NAALADL2: variants seen among roughly 807,000 people sequenced by gnomAD.
The protein encoded by NAALADL2 is inactive N-acetylated-alpha-linked acidic dipeptidase-like protein 2.
A neutral mutation model predicts 87.2 loss-of-function variants in NAALADL2; 76 were observed. That is an observed-to-expected ratio of 0.87 (90% CI 0.72 to 1.05). The LOEUF (loss-of-function observed/expected upper bound fraction) is 1.05, where lower values mean the gene tolerates loss of function less well. Among genes scored for constraint, NAALADL2 ranks in the 50% least tolerant of loss-of-function variants. The pLI is 0.00. For missense variants in NAALADL2, 1,089 were observed against 945.8 expected (o/e 1.15, Z -1.99); for synonymous variants, 354 against 331.0 (o/e 1.07, Z -0.75).
intron 1 of NAALADL2, among the ~76,000 whole-genome samples, chr3:174,994,675 G>T (rs1280756329): frequency 2.0e-5 from 3 of 152,068 alleles, no homozygotes; most frequent in African/African-American, 7.2e-5. Flanking sequence ...TAGTAAAAAC[G>T]ACTGGTAATG....
chr3:174,666,852 G>A (rs559765187), intron 2 of NAALADL2, among the ~76,000 whole-genome samples: 7 of 151,972 alleles, frequency 4.6e-5, no homozygotes, highest in Non-Finnish European at 8.8e-5. Context: ...ACAACCTCCA[G>A]CCCCTGCAAA....
intron 3 of NAALADL2, among the ~76,000 whole-genome samples, chr3:174,833,588 C>T (rs770349991): frequency 5.3e-5 from 8 of 151,868 alleles, no homozygotes; most frequent in Non-Finnish European, 8.8e-5. Flanking sequence ...TAAAACTAGA[C>T]AAATAAAAAA....
At chr3:175,362,457 A>G (rs1270349629) in intron 5 of NAALADL2, among the ~76,000 whole-genome samples, 2 of 147,950 alleles carry the variant, frequency 1.4e-5, no homozygotes, top group Non-Finnish European at 3.0e-5. Flanking sequence ...TACCTTGGGC[A>G]GTTATGGCCA....
chr3:175,735,766 A>G (rs371636059), intron 11 of NAALADL2, among the ~76,000 whole-genome samples: 1 of 152,210 alleles, frequency 6.6e-6, no homozygotes, highest in Non-Finnish European at 1.5e-5. Flanking sequence ...GGGAGCTACA[A>G]GATGAAATTT....
intron 13 of NAALADL2, among the ~76,000 whole-genome samples, chr3:175,780,409 C>A (rs1401115246): frequency 6.6e-6 from 1 of 151,882 alleles, no homozygotes; most frequent in Non-Finnish European, 1.5e-5. Flanking sequence ...TGCAAATTTG[C>A]ATATACATGT....
intron 1 of NAALADL2, among the ~76,000 whole-genome samples, chr3:174,511,545 C>A: frequency 6.6e-6 from 1 of 151,518 alleles, no homozygotes; most frequent in South Asian, 2.1e-4. Flanking sequence ...TATTTTTTTT[C>A]ATATTTCAAG....
intron 2 of NAALADL2, among the ~76,000 whole-genome samples, chr3:175,103,850 T>C (rs1722649281): frequency 6.6e-6 from 1 of 152,154 alleles, no homozygotes; most frequent in African/African-American, 2.4e-5. Flanking sequence ...TTTAGTATGT[T>C]TTTATGGTCT....
chr3:175,190,655 T>A (rs1738012217), intron 2 of NAALADL2, among the ~76,000 whole-genome samples: 1 of 151,742 alleles, frequency 6.6e-6, no homozygotes, highest in Admixed American at 6.6e-5. Flanking sequence ...CAGGAGAAAA[T>A]AAAAAGATGT....
intron 11 of NAALADL2, among the ~76,000 whole-genome samples, chr3:175,677,217 G>A (rs1043306883): frequency 3.3e-5 from 5 of 151,936 alleles, no homozygotes; most frequent in African/African-American, 1.2e-4. Flanking sequence ...ACAAAAATTA[G>A]CTGAGCGTGG....
At chr3:175,348,030 CA>C (rs890907230) in intron 5 of NAALADL2, among the ~76,000 whole-genome samples, 3 of 149,638 alleles carry the variant, frequency 2.0e-5, no homozygotes, top group Admixed American at 1.3e-4. Context: ...ATGATGGCTT[CA>C]AAAAAAAAGG....
chr3:175,061,208 T>C (rs571773464), intron 1 of NAALADL2, among the ~76,000 whole-genome samples: 1 of 152,258 alleles, frequency 6.6e-6, no homozygotes, highest in South Asian at 2.1e-4. Context: ...TGCCAGACAA[T>C]ATTACCAATG....
At chr3:175,194,651 A>G (rs930236444) in intron 2 of NAALADL2, among the ~76,000 whole-genome samples, 4 of 151,874 alleles carry the variant, frequency 2.6e-5, no homozygotes, top group African/African-American at 9.7e-5. Flanking sequence ...TCAGGAGTTT[A>G]TTATGCAGCT....
chr3:175,542,396 T>G (rs147060219), intron 9 of NAALADL2, among the ~76,000 whole-genome samples: 17 of 152,344 alleles, frequency 1.1e-4, no homozygotes, highest in Non-Finnish European at 2.2e-4. Context: ...CTGGCATTTG[T>G]GGGAAACTGG....
intron 9 of NAALADL2, among the ~76,000 whole-genome samples, chr3:175,562,914 A>G (rs1211629095): frequency 6.6e-6 from 1 of 151,658 alleles, no homozygotes; most frequent in African/African-American, 2.4e-5. Flanking sequence ...CACAGTTTTA[A>G]GTAGATTTGG....
intron 11 of NAALADL2, among the ~76,000 whole-genome samples, chr3:175,665,934 C>CA (rs1032899319): frequency 1.3e-5 from 2 of 151,452 alleles, no homozygotes; most frequent in African/African-American, 2.4e-5. Context: ...TGTCCCCCCC[C>CA]CAAAAAAAAG....
intron 11 of NAALADL2, among the ~76,000 whole-genome samples, chr3:175,693,715 G>A (rs1301564053): frequency 6.6e-6 from 1 of 151,994 alleles, no homozygotes; most frequent in African/African-American, 2.4e-5. Flanking sequence ...TGGTTTGTTC[G>A]TTTTGACAGA....
chr3:175,784,306 G>T (rs557627987), intron 13 of NAALADL2, among the ~76,000 whole-genome samples: 1 of 152,102 alleles, frequency 6.6e-6, no homozygotes, highest in African/African-American at 2.4e-5. Flanking sequence ...ACCTCTGATA[G>T]AATTCGGCTG....
intron 1 of NAALADL2, among the ~76,000 whole-genome samples, chr3:174,892,506 G>C (rs750783380): frequency 6.6e-6 from 1 of 151,964 alleles, no homozygotes; most frequent in Non-Finnish European, 1.5e-5. Flanking sequence ...GCCTCAAAAG[G>C]TAAAAATCTA....
chr3:174,931,587 C>T (rs1736894330), intron 1 of NAALADL2, among the ~76,000 whole-genome samples: 1 of 152,070 alleles, frequency 6.6e-6, no homozygotes, highest in East Asian at 1.9e-4. Flanking sequence ...TCTCAGAATT[C>T]AGAAGGAAGA....
Sources: gnomAD v4.1 joint callset for allele counts (sites outside exome capture counted in the v4.1 genomes callset) on GRCh38, gnomAD v4.1.1 for gene constraint, MANE v1.5 for transcripts, NCBI Gene and HGNC (gene_info 2026-07-23, HGNC 2026-07-21) for gene names.